The following FADS2 variants were observed in gnomAD, a reference collection of about 807,000 sequenced individuals.
The protein encoded by FADS2 is fatty acid desaturase 2.
In FADS2, 18 loss-of-function variants were observed where a neutral mutation model predicts 61.2. The ratio of observed to expected loss-of-function variants is 0.29; its 90% CI spans 0.20 to 0.44. FADS2 has a LOEUF of 0.44. FADS2 is among the 20% of genes least tolerant of loss of function. FADS2 has a pLI of 1.00. For synonymous variants in FADS2, 203 were observed against 223.9 expected (o/e 0.91, Z 0.83); for missense variants, 322 against 572.7 (o/e 0.56, Z 4.47).
rs914449207 is a variant in FADS2 at position 61,865,030 on chromosome 11, G to C, written c.1158-122G>C. 1.1e-5 allele frequency: 13 copies of C among 1,190,082 alleles called. No homozygotes were observed. The African/African-American group carries it at 1.8e-4, about 17-fold the overall frequency. 73.7% of individuals were successfully genotyped at this position (1,190,082 alleles called of 1,614,324 possible). A position where few individuals can be genotyped will look rare whatever the true frequency, so the allele number is the denominator to read the frequency against. ...ACACGAGGAGCCACACTTTGAGACT[G>C]GTCCTGGCTGTGGACAGGGTCTCTG... On this transcript the variant is annotated intron_variant, in intron 10 of 11. Coordinates refer to ENST00000278840, the MANE Select transcript of FADS2 (RefSeq NM_004265.4). This position sits in a 1 kb window ranked among gnomAD's most constrained non-coding sequence, Gnocchi z 4.1.
At chr11:61,833,878 T>C (rs1649174148) in intron 1 of FADS2, among the ~76,000 whole-genome samples, 1 of 152,212 alleles carries the variant, frequency 6.6e-6, no homozygotes, top group Non-Finnish European at 1.5e-5. Context: ...GGTCCATTTA[T>C]TCCCTCGTGA....
At chr11:61,860,040 G>T (rs557750473) in intron 7 of FADS2, among the ~76,000 whole-genome samples, 1 of 152,392 alleles carries the variant, frequency 6.6e-6, no homozygotes, top group African/African-American at 2.4e-5. Context: ...GGCAGAGTGG[G>T]GACAATGTGA....
At chr11:61,840,156 G>A (rs912250948) in intron 2 of FADS2, 178 bp from the exon 3 acceptor site, 8 of 627,538 alleles carry the variant, frequency 1.3e-5, no homozygotes, top group Non-Finnish European at 2.3e-5. Context: ...GGCTGTGTGG[G>A]GCATGTGGTA....
upstream of FADS2, chr11:61,828,156 G>A: frequency 1.4e-6 from 2 of 1,400,368 alleles, no homozygotes; most frequent in Non-Finnish European, 1.9e-6. This position sits in a 1 kb window ranked among gnomAD's most constrained non-coding sequence, Gnocchi z 6.4. Flanking sequence ...GCGGAGGAAG[G>A]GGACCGCTTG....
Position 61,828,564 on chromosome 11 carries a change from G to A in FADS2, c.174G>A (p.Arg58=). 1 of 1,613,980 alleles carries A rather than the reference G, an allele frequency of 6.2e-7. No homozygotes were observed. Among genetic ancestry groups the A allele is most frequent in the East Asian group, 2.2e-5 (1 of 44,864 alleles). The change falls in exon 1 of 12, where the codon CGG becomes CGA. Residue 58 remains arginine (R), a synonymous_variant. Transcript: ENST00000278840. This position sits in a 1 kb window ranked among gnomAD's most constrained non-coding sequence, Gnocchi z 6.4. ...CCATCCAGCACCCGGGGGGCCAGCG[G>A]GTCATCGGGCACTACGCTGGAGAAG... ...KWSIQHPGGQ[R]VIGHYAGEDA... is the part of the protein sequence containing the mutation.
intron 4 of FADS2, among the ~76,000 whole-genome samples, chr11:61,846,408 C>CTTTTT (rs112121999): frequency 7.3e-6 from 1 of 137,928 alleles, no homozygotes. Flanking sequence ...CACTCTCTGA[C>CTTTTT]TTTTTTTTTT....
At chr11:61,831,733 C>T (rs552032198) in intron 1 of FADS2, among the ~76,000 whole-genome samples, 1 of 152,286 alleles carries the variant, frequency 6.6e-6, no homozygotes, top group South Asian at 2.1e-4. Flanking sequence ...GGTATCAAAC[C>T]TGGCTTAAGT....
intron 7 of FADS2, among the ~76,000 whole-genome samples, chr11:61,861,269 G>T (rs2067411767): frequency 6.8e-6 from 1 of 147,536 alleles, no homozygotes; most frequent in Non-Finnish European, 1.5e-5. Flanking sequence ...CAGGAGAATG[G>T]TATGAACCCA....
At chr11:61,858,527 T>A (rs1186020290) in intron 7 of FADS2, among the ~76,000 whole-genome samples, 1 of 151,952 alleles carries the variant, frequency 6.6e-6, no homozygotes, top group African/African-American at 2.4e-5. Flanking sequence ...TTCTTGAAAA[T>A]TTTTCCTTTT....
intron 1 of FADS2, among the ~76,000 whole-genome samples, chr11:61,823,121 C>T (rs1253356815): frequency 6.6e-6 from 1 of 152,186 alleles, no homozygotes; most frequent in Non-Finnish European, 1.5e-5. Flanking sequence ...AGCTCCTTGA[C>T]CAAGTACCTC....
chr11:61,837,946 T>A, intron 2 of FADS2, 58 bp downstream of exon 2: 1 of 1,232,194 alleles, frequency 8.1e-7, no homozygotes, highest in Non-Finnish European at 1.2e-6. Flanking sequence ...TGGCTGGGAG[T>A]CTGAGAGAGG....
intron 1 of FADS2, among the ~76,000 whole-genome samples, chr11:61,832,701 C>T (rs1211097913): frequency 6.6e-6 from 1 of 152,206 alleles, no homozygotes; most frequent in Non-Finnish European, 1.5e-5. Flanking sequence ...CTCTCTGCTG[C>T]AGAAAGGAAG....
At chr11:61,828,040 G>C (rs2067097406), upstream of FADS2, 5 of 1,163,842 alleles carry the variant, frequency 4.3e-6, no homozygotes, top group African/African-American at 1.6e-5. The surrounding 1 kb of genome is among the most constrained non-coding windows in gnomAD (Gnocchi z 6.4). Context: ...TGTGGAACCC[G>C]AGGCGGGGGG....
chr11:61,859,331 A>G (rs564085282), intron 7 of FADS2, among the ~76,000 whole-genome samples: 4 of 152,310 alleles, frequency 2.6e-5, no homozygotes, highest in Non-Finnish European at 1.5e-5. Flanking sequence ...TGCTGGGATT[A>G]CAGGCGTGAG....
chr11:61,828,955 C>T lies in FADS2; in HGVS notation c.207+358C>T, dbSNP rs1459927024. On this transcript the variant is annotated intron_variant, in intron 1 of 11. Transcript: ENST00000278840. The surrounding 1 kb of genome is among the most constrained non-coding windows in gnomAD (Gnocchi z 6.4). Reference sequence around the variant, plus strand: ...GGGCGCTCGGGCCAGACGGCTTTGGCGCCCCCAGCGGGGAAGATGGCCGCC... The same window carrying T: ...GGGCGCTCGGGCCAGACGGCTTTGGTGCCCCCAGCGGGGAAGATGGCCGCC... 6.6e-6 allele frequency among the ~76,000 whole-genome samples: 1 copy of T among 152,208 alleles called. No individual in the cohort carries two copies. The highest frequency in any genetic ancestry group is 1.5e-5 in the Non-Finnish European group (1 of 68,024).
intron 7 of FADS2, chr11:61,862,631 C>A (rs59522631): frequency 0.013 from 4,212 of 314,350 alleles, 110 homozygotes; most frequent in East Asian, 0.06. Flanking sequence ...GACCTGGCCC[C>A]GGGTTGGGGG....
intron 1 of FADS2, chr11:61,821,323 C>T (rs1305396698): frequency 1.5e-6 from 1 of 671,856 alleles, no homozygotes; most frequent in East Asian, 2.7e-5. Flanking sequence ...AGTTGGAGAC[C>T]AGCCTAGACA....
intron 4 of FADS2, among the ~76,000 whole-genome samples, chr11:61,844,956 A>C (rs1482626995): frequency 6.6e-6 from 1 of 151,126 alleles, no homozygotes; most frequent in Non-Finnish European, 1.5e-5. Flanking sequence ...AAAAAGAAAG[A>C]AAATGAAATG....
chr11:61,865,415 C>T lies in FADS2; in HGVS notation c.1283+138C>T. 1 of 1,168,464 alleles carries T rather than the reference C, an allele frequency of 8.6e-7. No homozygotes were observed. The highest frequency in any genetic ancestry group is 1.2e-6 in the Non-Finnish European group (1 of 836,268). The allele number at this position is 1,168,464 out of a possible 1,614,324, so 72.4% of individuals were successfully genotyped here. A position where few individuals can be genotyped will look rare whatever the true frequency, so the allele number is the denominator to read the frequency against. The stretch of plus-strand genomic sequence containing the variant: ...CTTACTCCCGAGCCTGTGTTAGGAG[C>T]TGTTGGGCTTTTCTCCCTGGGCTGC... On this transcript the variant is annotated intron_variant, in intron 11 of 11. Transcript: ENST00000278840. The surrounding 1 kb of genome is among the most constrained non-coding windows in gnomAD (Gnocchi z 4.1).
Sources: allele counts gnomAD v4.1 joint callset (sites outside exome capture counted in the v4.1 genomes callset), GRCh38; gene constraint gnomAD v4.1.1; non-coding constraint Gnocchi (gnomAD v3.1); transcripts MANE v1.5; gene names NCBI Gene and HGNC (gene_info 2026-07-23, HGNC 2026-07-21).